Variants in FBXL13 observed in about 807,000 individuals in gnomAD.
FBXL13 encodes the protein F-box and leucine rich repeat protein 13.
A neutral mutation model predicts 83.6 loss-of-function variants in FBXL13; 67 were observed. The ratio of observed to expected loss-of-function variants is 0.80; its 90% CI spans 0.66 to 0.98. FBXL13 has a LOEUF of 0.98. FBXL13 is among the 50% of genes least tolerant of loss of function. The pLI, the probability that FBXL13 is intolerant of heterozygous loss-of-function variation, is 0.00. For synonymous variants in FBXL13, 272 were observed against 299.5 expected, an observed-to-expected ratio of 0.91 and a Z score of 0.95; for missense variants, 822 against 866.5, an observed-to-expected ratio of 0.95 and a Z score of 0.64.
At chr7:102,956,220 T>C (rs1824247177) in intron 8 of FBXL13, among the ~76,000 whole-genome samples, 1 of 152,158 alleles carries the variant, frequency 6.6e-6, no homozygotes, top group African/African-American at 2.4e-5. Context: ...AATGCAAGGC[T>C]GGTTCAACAT....
Position 103,012,487 on chromosome 7 carries a change from T to C in FBXL13, c.495+12576A>G, listed in dbSNP as rs150781790. On this transcript the variant is annotated intron_variant, in intron 6 of 19. Transcript: ENST00000313221. ...CAGAAACCCTACAAGCCAGAAGAGA[T>C]TGGGGGAGCCTATATTCAGCATTCT... Among the ~76,000 whole-genome samples the C allele has an allele frequency of 7.9e-4, 120 of 151,574 alleles. 2 individuals are homozygous for C. In the East Asian group the frequency reaches 0.02, roughly 25 times the overall value.
intron 17 of FBXL13, 167 bp downstream of exon 18, chr7:102,854,610 C>T (rs1805758060): frequency 6.4e-6 from 3 of 469,342 alleles, no homozygotes; most frequent in Non-Finnish European, 1.1e-5. Flanking sequence ...TTTATTTGTA[C>T]TTGTAAATTT....
intron 7 of FBXL13, among the ~76,000 whole-genome samples, chr7:102,966,980 T>G (rs1319115223): frequency 5.3e-5 from 8 of 151,506 alleles, no homozygotes; most frequent in African/African-American, 1.7e-4. Context: ...GTTTTTTTGT[T>G]TTTTTTTTGA....
At chr7:102,913,194 A>G in exon 11 of FBXL13, 1 of 1,614,158 alleles carries the variant, frequency 6.2e-7, no homozygotes, top group Non-Finnish European at 8.5e-7. Flanking sequence ...CCAAACTAAG[A>G]TTCTGTAAGT....
chr7:102,876,728 G>T (rs922890305), intron 16 of FBXL13, among the ~76,000 whole-genome samples: 3 of 151,990 alleles, frequency 2.0e-5, no homozygotes, highest in Non-Finnish European at 2.9e-5. Flanking sequence ...GGATGAATAG[G>T]GATTTAGCAA....
chr7:102,998,872 G>C (rs916062591), intron 6 of FBXL13, among the ~76,000 whole-genome samples: 5 of 152,096 alleles, frequency 3.3e-5, no homozygotes, highest in South Asian at 4.1e-4. Flanking sequence ...CTGTGAACAA[G>C]AATAATTTGA....
intron 10 of FBXL13, among the ~76,000 whole-genome samples, chr7:102,923,965 C>T (rs864709): frequency 0.028 from 4,300 of 151,996 alleles, 217 homozygotes; most frequent in African/African-American, 0.098. Context: ...CTAGGCTGGG[C>T]GCAGTGGCTC....
chr7:103,047,091 A>T (rs1387705115), intron 2 of FBXL13: 1 of 152,218 alleles, frequency 6.6e-6, no homozygotes, highest in Non-Finnish European at 1.5e-5. Context: ...CAGTTGAATG[A>T]ACTCCCTTTA....
chr7:102,920,708 A>T (rs1327842339), intron 10 of FBXL13, among the ~76,000 whole-genome samples: 1 of 152,234 alleles, frequency 6.6e-6, no homozygotes, highest in Non-Finnish European at 1.5e-5. Context: ...AAAGGCAAAG[A>T]GAATGAATTT....
chr7:103,030,324 A>G (rs942307403), intron 2 of FBXL13, among the ~76,000 whole-genome samples: 28 of 152,218 alleles, frequency 1.8e-4, no homozygotes, highest in African/African-American at 6.8e-4. Flanking sequence ...CCGACATGTG[A>G]AAATCCTCAC....
At chr7:102,988,025 TC>T (rs1309719173) in intron 6 of FBXL13, 1 of 152,058 alleles carries the variant, frequency 6.6e-6, no homozygotes, top group African/African-American at 2.4e-5. Flanking sequence ...GTATTTGAAA[TC>T]ACCCAGGGAG....
intron 6 of FBXL13, among the ~76,000 whole-genome samples, chr7:102,996,287 G>A (rs921642823): frequency 3.9e-5 from 6 of 152,174 alleles, no homozygotes; most frequent in Non-Finnish European, 8.8e-5. Flanking sequence ...GGGTGCTGTG[G>A]TTCTTCAGTA....
intron 16 of FBXL13, among the ~76,000 whole-genome samples, chr7:102,864,387 A>G (rs1158727756): frequency 1.3e-5 from 2 of 150,880 alleles, no homozygotes; most frequent in African/African-American, 4.9e-5. Context: ...TTTTTTTTTA[A>G]GATGGAGTCT....
chr7:102,906,918 AT>A (rs1813842338), intron 11 of FBXL13, among the ~76,000 whole-genome samples: 1 of 150,750 alleles, frequency 6.6e-6, no homozygotes, highest in Non-Finnish European at 1.5e-5. Flanking sequence ...CTCTGGTATT[AT>A]CCCTTTGGTT....
At chr7:102,872,684 C>G (rs901661448) in intron 16 of FBXL13, among the ~76,000 whole-genome samples, 1 of 152,170 alleles carries the variant, frequency 6.6e-6, no homozygotes, top group Non-Finnish European at 1.5e-5. Context: ...GGAGATATAA[C>G]CTCACATTCA....
chr7:103,046,742 C>T (rs371657190), intron 2 of FBXL13: 7 of 152,060 alleles, frequency 4.6e-5, no homozygotes, highest in Non-Finnish European at 7.4e-5. Flanking sequence ...TCTGTGATCT[C>T]GGGAAAAGCT....
intron 8 of FBXL13, chr7:102,934,834 A>G: frequency 1.3e-6 from 1 of 767,014 alleles, no homozygotes; most frequent in Non-Finnish European, 2.1e-6. Context: ...ATTTACCACA[A>G]GTTTTTCTGG....
intron 8 of FBXL13, 114 bp downstream of exon 9, chr7:102,963,419 T>A: frequency 8.1e-7 from 1 of 1,230,174 alleles, no homozygotes; most frequent in South Asian, 1.4e-5. Flanking sequence ...ATAATTGGTA[T>A]CCTTATGACC....
intron 6 of FBXL13, among the ~76,000 whole-genome samples, chr7:102,975,520 G>C (rs1192919355): frequency 2.0e-5 from 3 of 152,178 alleles, no homozygotes. Context: ...CTGCTGTCGA[G>C]ACCACATGAT....
Sources: gnomAD v4.1 joint callset for allele counts (sites outside exome capture counted in the v4.1 genomes callset) on GRCh38, gnomAD v4.1.1 for gene constraint, MANE v1.5 for transcripts, NCBI Gene and HGNC (gene_info 2026-07-23, HGNC 2026-07-21) for gene names.